Variants in GRM7 observed in about 807,000 individuals in gnomAD.
GRM7 encodes metabotropic glutamate receptor 7.
Under a neutral mutation model 84.5 loss-of-function variants are expected in GRM7, and 35 were observed. The observed-to-expected ratio is 0.41, with a 90% CI of 0.32 to 0.55. GRM7 has a LOEUF of 0.55. Among genes scored for constraint, GRM7 ranks in the 20% least tolerant of loss-of-function variants. GRM7 has a pLI of 0.19. For missense variants in GRM7, 1,003 were observed against 1,194.6 expected (o/e 0.84, Z 2.36); for synonymous variants, 487 against 455.1 (o/e 1.07, Z -0.89).
intron 9 of GRM7, among the ~76,000 whole-genome samples, chr3:7,690,212 G>A (rs1243438953): frequency 6.6e-6 from 1 of 152,150 alleles, no homozygotes; most frequent in Non-Finnish European, 1.5e-5. Flanking sequence ...CAGCCTGAGG[G>A]TAGAAAGACT....
At chr3:7,702,918 T>G (rs1701275312) in intron 9 of GRM7, among the ~76,000 whole-genome samples, 1 of 152,002 alleles carries the variant, frequency 6.6e-6, no homozygotes, top group Admixed American at 6.6e-5. Flanking sequence ...AATGAAAAAA[T>G]TAATCCAACA....
intron 5 of GRM7, among the ~76,000 whole-genome samples, chr3:7,418,482 CAT>C (rs1696263552): frequency 1.3e-5 from 2 of 152,182 alleles, no homozygotes; most frequent in South Asian, 2.1e-4. Context: ...TAGATATACA[CAT>C]AGTCATCTCT....
chr3:6,965,789 T>C (rs897148671), intron 1 of GRM7, among the ~76,000 whole-genome samples: 1 of 152,196 alleles, frequency 6.6e-6, no homozygotes, highest in African/African-American at 2.4e-5. Flanking sequence ...TTCAATGCTC[T>C]CTGGGGAGTA....
chr3:7,636,712 CAG>C (rs2125101240), intron 8 of GRM7, among the ~76,000 whole-genome samples: 1 of 150,886 alleles, frequency 6.6e-6, no homozygotes, highest in South Asian at 2.1e-4. Flanking sequence ...GGTGTAGATG[CAG>C]AGAGAACCCT....
intron 1 of GRM7, among the ~76,000 whole-genome samples, chr3:7,132,695 C>T (rs1036600232): frequency 2.0e-5 from 3 of 152,180 alleles, no homozygotes; most frequent in African/African-American, 7.2e-5. Context: ...AGGATCAACA[C>T]AGATTTAATT....
intron 4 of GRM7, among the ~76,000 whole-genome samples, chr3:7,375,514 G>A (rs891040449): frequency 1.3e-5 from 2 of 151,970 alleles, no homozygotes; most frequent in Non-Finnish European, 2.9e-5. Context: ...CACCGTGCCC[G>A]GCCCCCTTCT....
At chr3:6,997,234 G>T (rs1026679492) in intron 1 of GRM7, among the ~76,000 whole-genome samples, 12 of 151,834 alleles carry the variant, frequency 7.9e-5, no homozygotes, top group African/African-American at 2.9e-4. Context: ...TTACAGAGGC[G>T]ACTTTTCTAA....
In GRM7 at chr3:7,727,699, G is replaced by T. The variant is rs370391099; in HGVS notation, c.2699-12658G>T. On this transcript the variant is annotated intron_variant, in intron 9 of 9. Transcript: ENST00000357716. ...ATTTAACCACATAGGCTTCTGGTCTGTTAAATCTTTGAGGACAAAGACATC... is the reference window on the plus strand; with the variant it reads ...ATTTAACCACATAGGCTTCTGGTCTTTTAAATCTTTGAGGACAAAGACATC... Among the ~76,000 whole-genome samples the T allele has an allele frequency of 1.2e-4, 19 of 152,294 alleles. No homozygotes were observed. In the South Asian group the frequency reaches 3.7e-3, roughly 30 times the overall value.
intron 7 of GRM7, among the ~76,000 whole-genome samples, chr3:7,572,142 G>A (rs2125046642): frequency 6.6e-6 from 1 of 152,266 alleles, no homozygotes; most frequent in South Asian, 2.1e-4. Flanking sequence ...CACCAGAGAA[G>A]TGGTTTTGTA....
chr3:7,454,550 G>T (rs1455651682), intron 6 of GRM7, among the ~76,000 whole-genome samples: 1 of 151,970 alleles, frequency 6.6e-6, no homozygotes, highest in Non-Finnish European at 1.5e-5. Context: ...ACTATATAAG[G>T]CTGAAGACAA....
chr3:7,055,612 C>A (rs1176405760), intron 1 of GRM7, among the ~76,000 whole-genome samples: 1 of 151,424 alleles, frequency 6.6e-6, no homozygotes, highest in East Asian at 2.0e-4. Flanking sequence ...CCTCCACCTC[C>A]CTGGATCAAG....
At chr3:7,594,953 TG>T (rs1695969081) in intron 8 of GRM7, among the ~76,000 whole-genome samples, 1 of 152,168 alleles carries the variant, frequency 6.6e-6, no homozygotes, top group African/African-American at 2.4e-5. Context: ...TGTGTGTGTG[TG>T]TGTGTGTTTG....
At chr3:7,002,098 C>T (rs935589616) in intron 1 of GRM7, among the ~76,000 whole-genome samples, 1 of 152,124 alleles carries the variant, frequency 6.6e-6, no homozygotes, top group Admixed American at 6.6e-5. Context: ...TCTTATATCT[C>T]TTGCTTTAGT....
At chr3:7,279,850 G>A (rs1699196488) in intron 2 of GRM7, among the ~76,000 whole-genome samples, 5 of 152,110 alleles carry the variant, frequency 3.3e-5, no homozygotes, top group Admixed American at 3.3e-4. Context: ...CAAAAGAACT[G>A]CTATTCTGAA....
At chr3:6,897,605 G>A (rs905575934) in intron 1 of GRM7, among the ~76,000 whole-genome samples, 7 of 152,164 alleles carry the variant, frequency 4.6e-5, no homozygotes, top group South Asian at 4.1e-4. Context: ...AACACAGTAC[G>A]TGTTCAATAA....
intron 4 of GRM7, 62 bp downstream of exon 4, chr3:7,306,714 A>G: frequency 1.4e-6 from 2 of 1,389,800 alleles, no homozygotes; most frequent in Non-Finnish European, 2.0e-6. Context: ...TGAATGGCCA[A>G]GCATGTGACT....
At chr3:7,539,457 A>G (rs1238056778) in intron 7 of GRM7, among the ~76,000 whole-genome samples, 1 of 150,468 alleles carries the variant, frequency 6.6e-6, no homozygotes, top group Non-Finnish European at 1.5e-5. Context: ...TGGGTGGATC[A>G]TGAGGTCCGG....
intron 8 of GRM7, among the ~76,000 whole-genome samples, chr3:7,581,848 T>A: frequency 6.8e-6 from 1 of 147,050 alleles, no homozygotes. Flanking sequence ...GACAGCAGTG[T>A]TCTTTTCCTT....
chr3:7,720,259 G>A (rs1434757046), intron 9 of GRM7, among the ~76,000 whole-genome samples: 1 of 152,068 alleles, frequency 6.6e-6, no homozygotes, highest in South Asian at 2.1e-4. Flanking sequence ...TGTGACCTGG[G>A]CAATACCATC....
Sources: gnomAD v4.1 joint callset for allele counts (sites outside exome capture counted in the v4.1 genomes callset) on GRCh38, gnomAD v4.1.1 for gene constraint, MANE v1.5 for transcripts, NCBI Gene and HGNC (gene_info 2026-07-23, HGNC 2026-07-21) for gene names.